PLEKHH2: variants seen among roughly 807,000 people sequenced by gnomAD.
PLEKHH2 encodes the protein pleckstrin homology, MyTH4 and FERM domain containing H2, also known as pleckstrin homology domain-containing family H member 2.
PLEKHH2 carries 129 observed loss-of-function variants against 187.9 expected under a neutral mutation model. The observed-to-expected ratio is 0.69, with a 90% CI of 0.59 to 0.79. PLEKHH2 has a LOEUF of 0.79. PLEKHH2 is among the 30% of genes least tolerant of loss of function. PLEKHH2 has a pLI of 0.00. For missense variants in PLEKHH2, 2,076 were observed against 1,751.2 expected (o/e 1.19, Z -3.31); for synonymous variants, 686 against 605.6 (o/e 1.13, Z -1.95).
intron 2 of PLEKHH2, among the ~76,000 whole-genome samples, chr2:43,652,674 A>G (rs1666547027): frequency 6.6e-6 from 1 of 152,182 alleles, no homozygotes; most frequent in African/African-American, 2.4e-5. Context: ...CAAACCCCAC[A>G]TATGTGCCAA....
intron 19 of PLEKHH2, among the ~76,000 whole-genome samples, chr2:43,736,007 C>A (rs1424481906): frequency 6.6e-6 from 1 of 151,936 alleles, no homozygotes; most frequent in Non-Finnish European, 1.5e-5. Flanking sequence ...CAAAGATATG[C>A]CCCATTATTT....
intron 1 of PLEKHH2, among the ~76,000 whole-genome samples, chr2:43,638,262 C>T (rs1345356745): frequency 1.0e-5 from 1 of 97,434 alleles, no homozygotes; most frequent in Non-Finnish European, 2.4e-5. Context: ...CACACACACA[C>T]ACACACACAC....
chr2:43,676,033 TTG>T, intron 2 of PLEKHH2: 2 of 1,614,056 alleles, frequency 1.2e-6, no homozygotes, highest in Non-Finnish European at 1.7e-6. Context: ...GAGCTCTGCT[TTG>T]TCACAGTGTT....
At chr2:43,644,591 A>G (rs1037890536) in intron 1 of PLEKHH2, 80 bp from the exon 2 acceptor site, 3 of 1,180,878 alleles carry the variant, frequency 2.5e-6, no homozygotes, top group African/African-American at 3.1e-5. Context: ...AATTTAACAA[A>G]TTATCCTGAA....
At chr2:43,653,888 G>A (rs1271099278) in intron 2 of PLEKHH2, among the ~76,000 whole-genome samples, 1 of 152,202 alleles carries the variant, frequency 6.6e-6, no homozygotes, top group East Asian at 1.9e-4. Context: ...ACATGGTTCA[G>A]CTCTGAATAT....
intron 2 of PLEKHH2, among the ~76,000 whole-genome samples, chr2:43,658,116 A>T (rs1426213799): frequency 6.6e-6 from 1 of 152,222 alleles, no homozygotes; most frequent in African/African-American, 2.4e-5. Context: ...TTTAAAATAA[A>T]ACATATAGGC....
At chr2:43,686,174 CTTCCTCTT>C (rs1668495043) in intron 3 of PLEKHH2, among the ~76,000 whole-genome samples, 1 of 151,566 alleles carries the variant, frequency 6.6e-6, no homozygotes, top group African/African-American at 2.4e-5. Flanking sequence ...CCTTCTTCCT[CTTCCTCTT>C]CTTCTTCTTC....
At chr2:43,747,877 G>C (rs1280623901) in intron 24 of PLEKHH2, among the ~76,000 whole-genome samples, 1 of 152,156 alleles carries the variant, frequency 6.6e-6, no homozygotes. Context: ...ATGTAATTTT[G>C]ATCCACTTTA....
chr2:43,751,459 T>C (rs994277460), intron 24 of PLEKHH2, among the ~76,000 whole-genome samples: 1 of 152,176 alleles, frequency 6.6e-6, no homozygotes, highest in Admixed American at 6.5e-5. Context: ...CTCTGAAGAA[T>C]GAATATGGAT....
intron 3 of PLEKHH2, among the ~76,000 whole-genome samples, chr2:43,690,828 C>A (rs1303244669): frequency 1.3e-5 from 2 of 152,156 alleles, no homozygotes; most frequent in African/African-American, 4.8e-5. Flanking sequence ...TCTGCTGAGG[C>A]ATCCAATCAA....
At chr2:43,679,652 T>G (rs1357845858) in intron 3 of PLEKHH2, 3 of 229,176 alleles carry the variant, frequency 1.3e-5, no homozygotes, top group Non-Finnish European at 1.8e-5. Flanking sequence ...CGCACCACCA[T>G]ACCCGGCTAA....
chr2:43,708,984 A>G (rs1669808291), intron 11 of PLEKHH2, among the ~76,000 whole-genome samples: 1 of 152,236 alleles, frequency 6.6e-6, no homozygotes, highest in Admixed American at 6.5e-5. Context: ...CATATTTTTA[A>G]AAATTGCTGG....
chr2:43,651,527 A>T (rs1313469475), intron 2 of PLEKHH2, among the ~76,000 whole-genome samples: 1 of 152,220 alleles, frequency 6.6e-6, no homozygotes, highest in Non-Finnish European at 1.5e-5. Context: ...ATAGCAAAGG[A>T]CAGAAATCAA....
At chr2:43,637,861 G>A (rs976190887) in intron 1 of PLEKHH2, among the ~76,000 whole-genome samples, 1 of 152,166 alleles carries the variant, frequency 6.6e-6, no homozygotes, top group Non-Finnish European at 1.5e-5. Context: ...TGTACACCTC[G>A]AGTTGCTGGC....
At chr2:43,695,820 G>A (rs1021474552) in intron 6 of PLEKHH2, among the ~76,000 whole-genome samples, 1 of 152,184 alleles carries the variant, frequency 6.6e-6, no homozygotes, top group African/African-American at 2.4e-5. Flanking sequence ...ATGGAGATTA[G>A]GGGAGTCACA....
chr2:43,642,843 A>AGTTATTTTACAT (rs1263644326), intron 1 of PLEKHH2, among the ~76,000 whole-genome samples: 2 of 152,148 alleles, frequency 1.3e-5, no homozygotes, highest in African/African-American at 4.8e-5. Context: ...GACATAGGCA[A>AGTTATTTTACAT]GTTATTTTAC....
chr2:43,638,233 C>T (rs1379155190), intron 1 of PLEKHH2, among the ~76,000 whole-genome samples: 2 of 148,674 alleles, frequency 1.3e-5, no homozygotes, highest in African/African-American at 5.0e-5. Flanking sequence ...TCAGTCTCGT[C>T]GAGAAAGATC....
intron 3 of PLEKHH2, among the ~76,000 whole-genome samples, chr2:43,686,882 C>T (rs963455651): frequency 6.6e-6 from 1 of 152,080 alleles, no homozygotes; most frequent in Non-Finnish European, 1.5e-5. Context: ...CTTATGAGAT[C>T]CCATCCAAGT....
chr2:43,683,142 C>CCT (rs1553336279), intron 3 of PLEKHH2, among the ~76,000 whole-genome samples: 2 of 94,564 alleles, frequency 2.1e-5, no homozygotes, highest in Admixed American at 2.6e-4. Flanking sequence ...TTTATATACC[C>CCT]TTTTTTTTTT....
Sources: allele counts gnomAD v4.1 joint callset (sites outside exome capture counted in the v4.1 genomes callset), GRCh38; gene constraint gnomAD v4.1.1; transcripts MANE v1.5; gene names NCBI Gene and HGNC (gene_info 2026-07-23, HGNC 2026-07-21).